ME3: variants seen among roughly 807,000 people sequenced by gnomAD.
The protein encoded by ME3 is malic enzyme 3.
A neutral mutation model predicts 68.9 loss-of-function variants in ME3; 48 were observed. That is an observed-to-expected ratio of 0.70 (90% CI 0.55 to 0.89). ME3 has a LOEUF of 0.89. Ranked by LOEUF, ME3 falls within the 40% of genes least tolerant of loss-of-function variation. The pLI is 0.00. For missense variants in ME3, 675 were observed against 797.4 expected (o/e 0.85, Z 1.85); for synonymous variants, 320 against 318.8 (o/e 1.00, Z -0.04).
intron 8 of ME3, among the ~76,000 whole-genome samples, chr11:86,450,761 T>A (rs1311702325): frequency 1.3e-5 from 2 of 152,026 alleles, no homozygotes; most frequent in Admixed American, 6.6e-5. Context: ...TAAAAACATT[T>A]AAAAAAATGA....
In ME3 at chr11:86,571,817, C is replaced by G. The variant is rs76930130; in HGVS notation, c.184-11994G>C. Among the ~76,000 whole-genome samples the G allele has an allele frequency of 2.6e-3, 397 of 152,224 alleles. 1 individual carries two copies. Among genetic ancestry groups the G allele is most frequent in the African/African-American group, 8.8e-3 (364 of 41,528 alleles). On this transcript the variant is annotated intron_variant, in intron 2 of 14. Transcript: ENST00000543262. ...AGGGTAAATAGGAGTTAGAGATTAA[C>G]GTAATGCAAGGGAAGGGCCCTAAGG...
chr11:86,534,168 G>A lies in ME3; in HGVS notation c.467+22385C>T, dbSNP rs374771389. ...ATGAATGAAATTTGCAGAACTGGAA[G>A]TTGCTCTGGGTGAGTCAGTGAGAGA... On this transcript the variant is annotated intron_variant, in intron 4 of 14. Transcript: ENST00000543262. Among the ~76,000 whole-genome samples, 98 of 144,016 alleles carry A rather than the reference G, an allele frequency of 6.8e-4. 1 individual carries two copies. In the South Asian group the frequency reaches 0.021, roughly 31 times the overall value. 94.5% of individuals were successfully genotyped at this position (144,016 alleles called of 152,430 possible).
chr11:86,452,234 A>G (rs1949673586), intron 8 of ME3, among the ~76,000 whole-genome samples: 1 of 152,136 alleles, frequency 6.6e-6, no homozygotes, highest in Admixed American at 6.5e-5. Context: ...GATTTACAAC[A>G]TGGTTCTATT....
intron 2 of ME3, among the ~76,000 whole-genome samples, chr11:86,656,348 C>A (rs1056385012): frequency 1.3e-5 from 2 of 151,552 alleles, no homozygotes; most frequent in Non-Finnish European, 2.9e-5. Context: ...TGGAACCAAC[C>A]CAAATGTCCA....
intron 2 of ME3, among the ~76,000 whole-genome samples, chr11:86,624,024 G>A (rs959977398): frequency 6.6e-6 from 1 of 152,080 alleles, no homozygotes; most frequent in African/African-American, 2.4e-5. Context: ...AACTCAAGCT[G>A]GACCAATCCA....
At chr11:86,667,695 G>T (rs1340748195) in intron 2 of ME3, 1 of 152,164 alleles carries the variant, frequency 6.6e-6, no homozygotes, top group Admixed American at 6.5e-5. Context: ...AAGACAAATA[G>T]GAGGGGACTC....
At chr11:86,469,944 G>A (rs1253128704) in intron 7 of ME3, among the ~76,000 whole-genome samples, 1 of 151,844 alleles carries the variant, frequency 6.6e-6, no homozygotes, top group Non-Finnish European at 1.5e-5. Context: ...AGCTGTGTGT[G>A]ACGGTGTGAT....
chr11:86,462,991 G>C (rs563290457), intron 8 of ME3, among the ~76,000 whole-genome samples: 1 of 152,312 alleles, frequency 6.6e-6, no homozygotes, highest in South Asian at 2.1e-4. Flanking sequence ...AAAATAAAGG[G>C]AAGGGCAGAG....
intron 2 of ME3, among the ~76,000 whole-genome samples, chr11:86,603,838 C>A (rs970267542): frequency 1.3e-5 from 2 of 149,884 alleles, no homozygotes; most frequent in Non-Finnish European, 3.0e-5. Flanking sequence ...AGTAAACTAT[C>A]ACAAGGACAA....
At chr11:86,437,879 G>GAA, downstream of ME3, among the ~76,000 whole-genome samples, 2 of 151,118 alleles carry the variant, frequency 1.3e-5, no homozygotes, top group East Asian at 1.9e-4. Context: ...ATGAATGAAT[G>GAA]TGTATGTGTT....
At chr11:86,518,135 T>C (rs1206052120) in intron 4 of ME3, among the ~76,000 whole-genome samples, 1 of 152,176 alleles carries the variant, frequency 6.6e-6, no homozygotes, top group Admixed American at 6.5e-5. Flanking sequence ...CAGGAAAATA[T>C]GTTGAAATTT....
intron 2 of ME3, among the ~76,000 whole-genome samples, chr11:86,621,294 A>G (rs1478292821): frequency 2.6e-5 from 4 of 152,242 alleles, no homozygotes; most frequent in Non-Finnish European, 5.9e-5. Context: ...AAGGCCAGTA[A>G]GAAAACATTG....
intron 2 of ME3, among the ~76,000 whole-genome samples, chr11:86,658,904 C>G (rs928605134): frequency 5.9e-5 from 9 of 152,168 alleles, no homozygotes; most frequent in Admixed American, 3.3e-4. Context: ...CTACACCAAC[C>G]ATCTCTACTC....
intron 2 of ME3, among the ~76,000 whole-genome samples, chr11:86,652,533 C>T (rs1007821752): frequency 6.6e-6 from 1 of 152,048 alleles, no homozygotes; most frequent in Non-Finnish European, 1.5e-5. Flanking sequence ...ACTTGAGAGA[C>T]AAGCAAATGC....
chr11:86,523,900 C>T (rs1246036238), intron 4 of ME3, among the ~76,000 whole-genome samples: 1 of 152,200 alleles, frequency 6.6e-6, no homozygotes, highest in Non-Finnish European at 1.5e-5. Flanking sequence ...CCACAAGTCA[C>T]AGATGTTTCC....
At chr11:86,467,366 A>G (rs1455596384) in intron 7 of ME3, among the ~76,000 whole-genome samples, 1 of 152,124 alleles carries the variant, frequency 6.6e-6, no homozygotes, top group Non-Finnish European at 1.5e-5. Context: ...CTCCCCACCC[A>G]CCATCCAGCC....
At chr11:86,532,762 C>G (rs1373182305) in intron 4 of ME3, among the ~76,000 whole-genome samples, 1 of 152,112 alleles carries the variant, frequency 6.6e-6, no homozygotes, top group Non-Finnish European at 1.5e-5. Context: ...ACTCCTACAT[C>G]AAAAAAGAAG....
At chr11:86,529,660 T>C (rs373326378) in intron 4 of ME3, among the ~76,000 whole-genome samples, 95 of 152,334 alleles carry the variant, frequency 6.2e-4, no homozygotes, top group Non-Finnish European at 1.1e-3. Context: ...TTATCCACCA[T>C]GATCAAGTGG....
intron 4 of ME3, among the ~76,000 whole-genome samples, chr11:86,554,645 T>C (rs1956844200): frequency 6.6e-6 from 1 of 152,204 alleles, no homozygotes; most frequent in Non-Finnish European, 1.5e-5. Context: ...TTAGGTAGTA[T>C]TGTTACCTCA....
Sources: gnomAD v4.1 joint callset for allele counts (sites outside exome capture counted in the v4.1 genomes callset) on GRCh38, gnomAD v4.1.1 for gene constraint, MANE v1.5 for transcripts, NCBI Gene and HGNC (gene_info 2026-07-23, HGNC 2026-07-21) for gene names.